SDK1: variants seen among roughly 807,000 people sequenced by gnomAD.
SDK1 encodes the protein protein sidekick-1.
A neutral mutation model predicts 245.5 loss-of-function variants in SDK1; 157 were observed. The ratio of observed to expected loss-of-function variants is 0.64; its 90% CI spans 0.56 to 0.73. The LOEUF (loss-of-function observed/expected upper bound fraction) is 0.73, where lower values mean the gene tolerates loss of function less well. SDK1 is among the 30% of genes least tolerant of loss of function. The pLI, the probability that SDK1 is intolerant of heterozygous loss-of-function variation, is 0.00. For synonymous variants in SDK1, 1,647 were observed against 1,278.5 expected (o/e 1.29, Z -6.15); for missense variants, 3,583 against 3,002.3 (o/e 1.19, Z -4.52).
chr7:4,207,825 T>G (rs1784310135), intron 36 of SDK1, among the ~76,000 whole-genome samples: 1 of 152,150 alleles, frequency 6.6e-6, no homozygotes, highest in Non-Finnish European at 1.5e-5. Flanking sequence ...CAACAGCGCT[T>G]TGTTTAACGA....
At chr7:3,736,909 A>G (rs2115047219) in intron 4 of SDK1, among the ~76,000 whole-genome samples, 1 of 152,284 alleles carries the variant, frequency 6.6e-6, no homozygotes, top group Admixed American at 6.5e-5. Flanking sequence ...TTATAACTGA[A>G]AGTTTGTACC....
chr7:4,033,886 G>A (rs939861565), intron 17 of SDK1, among the ~76,000 whole-genome samples: 15 of 152,066 alleles, frequency 9.9e-5, no homozygotes, highest in Non-Finnish European at 2.1e-4. Context: ...CACATCAGTG[G>A]GTGCTAGAAC....
chr7:3,877,633 C>T (rs1042106373), intron 5 of SDK1, among the ~76,000 whole-genome samples: 1 of 152,120 alleles, frequency 6.6e-6, no homozygotes, highest in Non-Finnish European at 1.5e-5. Context: ...GAAAAAGAAA[C>T]AAAATCATCT....
rs149253642 is a variant in SDK1 at position 3,779,849 on chromosome 7, G to A, written c.714-41601G>A. The stretch of plus-strand genomic sequence containing the variant: ...CGGGAGGCTGAGGCAGGAGAATGGC[G>A]TGAACCCGGGAAGCGGAGCTTGCAG... On this transcript the variant is annotated intron_variant, in intron 4 of 44. Coordinates refer to ENST00000404826, the MANE Select transcript of SDK1 (RefSeq NM_152744.4). Among the ~76,000 whole-genome samples, 214 of 151,216 alleles carry A rather than the reference G, an allele frequency of 1.4e-3. 1 individual carries two copies. The highest frequency in any genetic ancestry group is 4.7e-3 in the African/African-American group (194 of 41,098).
chr7:4,044,633 G>T (rs1788884711), intron 17 of SDK1, among the ~76,000 whole-genome samples: 1 of 151,972 alleles, frequency 6.6e-6, no homozygotes, highest in Admixed American at 6.6e-5. Flanking sequence ...TGTAGAGACA[G>T]ATTATCTCAC....
At chr7:3,618,506 C>T (rs996589002) in intron 1 of SDK1, among the ~76,000 whole-genome samples, 1 of 152,196 alleles carries the variant, frequency 6.6e-6, no homozygotes, top group Admixed American at 6.5e-5. Context: ...TTGCTGCATT[C>T]TCGCTGCAGT....
intron 5 of SDK1, among the ~76,000 whole-genome samples, chr7:3,916,137 G>C (rs1043012449): frequency 6.6e-6 from 1 of 152,166 alleles, no homozygotes; most frequent in Non-Finnish European, 1.5e-5. Context: ...GAACAAGCAA[G>C]AGTAGCGGGG....
intron 14 of SDK1, among the ~76,000 whole-genome samples, chr7:3,994,549 G>A (rs1453056869): frequency 6.6e-6 from 1 of 151,752 alleles, no homozygotes; most frequent in Non-Finnish European, 1.5e-5. Context: ...GGCTAAGGTG[G>A]GAGGATCACT....
chr7:3,908,825 A>G (rs1233263333), intron 5 of SDK1, among the ~76,000 whole-genome samples: 1 of 149,532 alleles, frequency 6.7e-6, no homozygotes, highest in Non-Finnish European at 1.5e-5. Context: ...GGAGGAAAGA[A>G]TTCATTTTTT....
chr7:4,157,917 C>G (rs965492179), intron 30 of SDK1, among the ~76,000 whole-genome samples: 3 of 152,148 alleles, frequency 2.0e-5, no homozygotes, highest in Non-Finnish European at 4.4e-5. Context: ...AAGGCTGGGT[C>G]TGGCCCAGTA....
chr7:3,764,839 A>G (rs570472327), intron 4 of SDK1, among the ~76,000 whole-genome samples: 7 of 152,180 alleles, frequency 4.6e-5, no homozygotes, highest in Admixed American at 1.3e-4. Flanking sequence ...AGATAGGAAA[A>G]TCCAGCTGTC....
At chr7:4,177,765 A>G (rs1310448340) in intron 34 of SDK1, among the ~76,000 whole-genome samples, 1 of 152,210 alleles carries the variant, frequency 6.6e-6, no homozygotes, top group East Asian at 1.9e-4. Flanking sequence ...CATTATTAGT[A>G]CATCATAATA....
intron 1 of SDK1, among the ~76,000 whole-genome samples, chr7:3,599,344 C>T (rs56090810): frequency 6.6e-6 from 1 of 151,230 alleles, no homozygotes; most frequent in Non-Finnish European, 1.5e-5. Context: ...CTGATTTCTG[C>T]GGATTCTTTG....
intron 1 of SDK1, among the ~76,000 whole-genome samples, chr7:3,600,451 T>C (rs1046801513): frequency 6.6e-6 from 1 of 152,154 alleles, no homozygotes; most frequent in Non-Finnish European, 1.5e-5. Context: ...TCCTATACTA[T>C]GTTGAATAGG....
intron 1 of SDK1, among the ~76,000 whole-genome samples, chr7:3,360,782 C>T (rs76051032): frequency 6.6e-6 from 1 of 152,226 alleles, no homozygotes; most frequent in African/African-American, 2.4e-5. Flanking sequence ...CCCCTCCCCA[C>T]AGAGGCAGAG....
chr7:3,758,876 C>T (rs1780014697), intron 4 of SDK1, among the ~76,000 whole-genome samples: 1 of 152,138 alleles, frequency 6.6e-6, no homozygotes, highest in Non-Finnish European at 1.5e-5. Context: ...AGTCTCTGTT[C>T]CTGTCTGTAT....
intron 17 of SDK1, among the ~76,000 whole-genome samples, chr7:4,044,423 TA>T (rs375707914): frequency 1.2e-4 from 18 of 151,918 alleles, no homozygotes; most frequent in African/African-American, 3.6e-4. Context: ...ATGGGAAAAG[TA>T]TCAAAGAATA....
intron 14 of SDK1, among the ~76,000 whole-genome samples, chr7:4,002,791 T>C (rs778865141): frequency 1.3e-5 from 2 of 152,228 alleles, no homozygotes; most frequent in East Asian, 3.8e-4. Context: ...ATCCAGGTTT[T>C]GTTGTGTAAT....
At chr7:4,054,563 T>C (rs1223886656) in intron 19 of SDK1, among the ~76,000 whole-genome samples, 1 of 152,208 alleles carries the variant, frequency 6.6e-6, no homozygotes, top group African/African-American at 2.4e-5. Flanking sequence ...GGTTCCTTTA[T>C]AGCCACACCC....
Sources: gnomAD v4.1 joint callset for allele counts (sites outside exome capture counted in the v4.1 genomes callset) on GRCh38, gnomAD v4.1.1 for gene constraint, MANE v1.5 for transcripts, NCBI Gene and HGNC (gene_info 2026-07-23, HGNC 2026-07-21) for gene names.